SLC43A2: variants seen among roughly 807,000 people sequenced by gnomAD.
SLC43A2 encodes solute carrier family 43 member 2.
A neutral mutation model predicts 63.2 loss-of-function variants in SLC43A2; 38 were observed. The observed-to-expected ratio is 0.60, with a 90% confidence interval of 0.46 to 0.79. The LOEUF is 0.79. SLC43A2 is among the 30% of genes least tolerant of loss of function. SLC43A2 has a pLI of 0.00. For missense variants in SLC43A2, 644 were observed against 756.2 expected, an observed-to-expected ratio of 0.85 and a Z score of 1.74; for synonymous variants, 322 against 331.0, an observed-to-expected ratio of 0.97 and a Z score of 0.30.
intron 10 of SLC43A2, chr17:1,585,549 T>A: frequency 1.4e-6 from 1 of 694,298 alleles, no homozygotes; most frequent in South Asian, 1.8e-5. Context: ...CCTGGCCAAT[T>A]TTTAAATTTT....
intron 13 of SLC43A2, 126 bp from the exon 14 acceptor site, chr17:1,575,891 G>A: frequency 9.0e-7 from 1 of 1,106,300 alleles, no homozygotes; most frequent in Non-Finnish European, 1.3e-6. Context: ...AAACAGGAAG[G>A]CCCACGAGGT....
chr17:1,577,761 G>A lies in SLC43A2; in HGVS notation c.1424+489C>T, dbSNP rs193009695. Among the ~76,000 whole-genome samples the A allele has an allele frequency of 6.6e-6, 1 of 152,336 alleles. No individual in the cohort carries two copies. Among genetic ancestry groups the A allele is most frequent in the East Asian group, 1.9e-4 (1 of 5,184 alleles). On this transcript the variant is annotated intron_variant, in intron 12 of 13. Transcript: ENST00000301335. This position sits in a 1 kb window ranked among gnomAD's most constrained non-coding sequence, Gnocchi z 4.9. ...ACAGGTTTCATTTTAGCCAGGGCTG[G>A]AGAAAGCTATGGCCAGAGCTGGGCG... is the stretch of plus-strand genomic sequence containing the variant.
rs1348654116 is a variant in SLC43A2, at chr17:1,616,724, T to C, written c.206A>G (p.His69Arg). The change falls in exon 3 of 14, where the codon CAC becomes CGC. Residue 69 changes from histidine to arginine, a missense_variant. Physicochemically the swap from His to Arg is conservative, Grantham distance 29. This residue lies in a region of SLC43A2 where 528 missense variants were observed against 623.6 expected (regional missense o/e 0.85). Coordinates refer to ENST00000301335, the MANE Select transcript of SLC43A2 (RefSeq NM_152346.3). Reference protein sequence around the residue: ...GTVGGTAEPGHEEVSWMNGWL... With the variant: ...GTVGGTAEPGREEVSWMNGWL... ...GCCGTTCATCCAGCTCACCTCCTCG[T>C]GCCCCGGCTCTGCTGTGCCGCCCAC... is the stretch of plus-strand genomic sequence containing the variant. The C allele has an allele frequency of 7.1e-5, 115 of 1,614,116 alleles. 1 individual carries two copies. In the East Asian group the frequency reaches 2.5e-3, roughly 36 times the overall value.
At chr17:1,607,614 G>A (rs1906734890) in intron 5 of SLC43A2, among the ~76,000 whole-genome samples, 1 of 152,198 alleles carries the variant, frequency 6.6e-6, no homozygotes, top group African/African-American at 2.4e-5. Context: ...GGTGTGAATG[G>A]TGGGTGTCAG....
intron 5 of SLC43A2, among the ~76,000 whole-genome samples, chr17:1,610,406 G>A (rs1373167857): frequency 6.8e-6 from 1 of 147,594 alleles, no homozygotes; most frequent in African/African-American, 2.5e-5. Context: ...GGGACTACAA[G>A]CAACTGCCAC....
At chr17:1,585,730 AAG>A (rs1467648948) in intron 10 of SLC43A2, 181 bp downstream of exon 10, 4 of 1,552,850 alleles carry the variant, frequency 2.6e-6, no homozygotes, top group South Asian at 1.2e-5. Flanking sequence ...AATTTCCATA[AAG>A]AGGGGAGCAG....
intron 9 of SLC43A2, chr17:1,586,936 A>AC (rs148577276): frequency 2.8e-5 from 14 of 501,652 alleles, no homozygotes; most frequent in South Asian, 1.3e-4. Context: ...AATCCCCCCC[A>AC]CCCCCCGCTT....
Position 1,627,900 on chromosome 17 carries a change from C to CCGGCTCCGGCTT in SLC43A2, c.-27_-26insAAGCCGGAGCCG. 6.5e-7 allele frequency: 1 copy of CCGGCTCCGGCTT among 1,533,028 alleles called. No individual in the cohort carries two copies. The highest frequency in any genetic ancestry group is 1.4e-5 in the African/African-American group (1 of 71,882). 95.0% of individuals were successfully genotyped at this position (1,533,028 alleles called of 1,614,324 possible). On this transcript the variant is annotated 5_prime_UTR_variant, in exon 2 of 14. Transcript: ENST00000301335. Reference sequence around the variant, plus strand: ...GGTGCGGCGCGGCGCGGCTCCGGCTCCGGCTCCGGCTCTGCACCACCTGCG... The same window carrying CCGGCTCCGGCTT: ...GGTGCGGCGCGGCGCGGCTCCGGCTCCGGCTCCGGCTTCGGCTCCGGCTCTGCACCACCTGCG...
chr17:1,594,726 T>G (rs891181940), intron 5 of SLC43A2, among the ~76,000 whole-genome samples: 1 of 150,178 alleles, frequency 6.7e-6, no homozygotes, highest in Admixed American at 6.6e-5. Flanking sequence ...TAGCTGGGAC[T>G]ATAGGCGCCC....
chr17:1,588,202 A>G (rs1262987068), intron 9 of SLC43A2, among the ~76,000 whole-genome samples: 1 of 151,118 alleles, frequency 6.6e-6, no homozygotes, highest in Non-Finnish European at 1.5e-5. Context: ...AGTTGGAGAC[A>G]TGGTGAAACT....
intron 9 of SLC43A2, among the ~76,000 whole-genome samples, chr17:1,589,423 A>C (rs1904539328): frequency 6.6e-6 from 1 of 152,112 alleles, no homozygotes; most frequent in Admixed American, 6.5e-5. Flanking sequence ...TGGGCAACAC[A>C]GCAAGACCCT....
At chr17:1,594,278 G>T (rs11658414) in intron 5 of SLC43A2, among the ~76,000 whole-genome samples, 2 of 152,028 alleles carry the variant, frequency 1.3e-5, no homozygotes, top group African/African-American at 4.8e-5. Flanking sequence ...GCTCATTCTG[G>T]GTACAGGGCA....
chr17:1,607,284 G>T (rs927142714), intron 5 of SLC43A2, among the ~76,000 whole-genome samples: 2 of 152,206 alleles, frequency 1.3e-5, no homozygotes, highest in African/African-American at 4.8e-5. Context: ...CAAACAGAAA[G>T]TGCCATTGTG....
chr17:1,576,231 C>G (rs1348245113), intron 13 of SLC43A2, among the ~76,000 whole-genome samples: 1 of 152,024 alleles, frequency 6.6e-6, no homozygotes, highest in African/African-American at 2.4e-5. Flanking sequence ...TTACAGGCAC[C>G]TGCCACCACA....
At chr17:1,579,745 G>T (rs1040152723) in intron 11 of SLC43A2, among the ~76,000 whole-genome samples, 1 of 152,000 alleles carries the variant, frequency 6.6e-6, no homozygotes, top group African/African-American at 2.4e-5. Flanking sequence ...GCTGAGGTGG[G>T]AGGATCACCT....
At chr17:1,589,654 C>CTA (rs779404800) in intron 9 of SLC43A2, among the ~76,000 whole-genome samples, 1 of 152,196 alleles carries the variant, frequency 6.6e-6, no homozygotes, top group Non-Finnish European at 1.5e-5. Flanking sequence ...GAGTCGCACT[C>CTA]TGTCGCCCAG....
chr17:1,620,636 G>T (rs1425279234), intron 2 of SLC43A2, among the ~76,000 whole-genome samples: 1 of 152,088 alleles, frequency 6.6e-6, no homozygotes, highest in Non-Finnish European at 1.5e-5. Flanking sequence ...AGAGGCGCCT[G>T]GGGCCGGGGA....
rs2151047803 is a variant in SLC43A2, at chr17:1,593,196, T to C, written c.585A>G (p.Pro195=). Residue 195 remains proline, a synonymous_variant, in exon 6 of 14, where the codon CCA becomes CCG. Transcript: ENST00000301335. This position sits in a 1 kb window ranked among gnomAD's most constrained non-coding sequence, Gnocchi z 5.3. The part of the protein sequence containing the change: ...GSYASSAVTF[P]GIKLIYDAGV... ...AAATACACGTGCTCACCTTGATTCC[T>C]GGAAAGGTGACTGCCGAGGAGGCGT... is the stretch of plus-strand genomic sequence containing the variant. The C allele has an allele frequency of 1.2e-6, 2 of 1,613,788 alleles. No homozygotes were observed. The highest frequency in any genetic ancestry group is 2.2e-5 in the East Asian group (1 of 44,880).
chr17:1,580,723 G>A (rs1462049424), intron 11 of SLC43A2, among the ~76,000 whole-genome samples: 6 of 139,480 alleles, frequency 4.3e-5, no homozygotes, highest in South Asian at 2.3e-4. Flanking sequence ...CACCAGGCCC[G>A]GCTAATTTTT....
Sources: gnomAD v4.1 joint callset for allele counts (sites outside exome capture counted in the v4.1 genomes callset) on GRCh38, gnomAD v4.1.1 for gene constraint, gnomAD v4.1.1 regional missense constraint, Gnocchi (gnomAD v3.1) non-coding constraint, MANE v1.5 for transcripts, NCBI Gene and HGNC (gene_info 2026-07-23, HGNC 2026-07-21) for gene names.